KSR2: variants seen among roughly 807,000 people sequenced by gnomAD.
KSR2 encodes the protein kinase suppressor of ras 2.
In KSR2, 25 loss-of-function variants were observed where a neutral mutation model predicts 107.8. The observed-to-expected ratio is 0.23, with a 90% CI of 0.17 to 0.32. KSR2 has a LOEUF of 0.32. KSR2 is among the 10% of genes least tolerant of loss of function. The pLI is 1.00. For missense variants in KSR2, 887 were observed against 1,268.9 expected (o/e 0.70, Z 4.57); for synonymous variants, 480 against 507.0 (o/e 0.95, Z 0.71).
chr12:117,531,091 A>C, intron 11 of KSR2, 78 bp from the exon 12 acceptor site: 1 of 1,163,326 alleles, frequency 8.6e-7, no homozygotes, highest in Non-Finnish European at 1.3e-6. Flanking sequence ...CCTGGGCGAC[A>C]TGGCAGCCAA....
At chr12:117,956,871 C>T (rs1433437795) in intron 1 of KSR2, among the ~76,000 whole-genome samples, 3 of 152,156 alleles carry the variant, frequency 2.0e-5, no homozygotes, top group African/African-American at 7.2e-5. Flanking sequence ...GGTCAATGGC[C>T]ACATGTGGCA....
chr12:117,489,688 T>C (rs1872648781), intron 14 of KSR2, among the ~76,000 whole-genome samples: 1 of 151,822 alleles, frequency 6.6e-6, no homozygotes, highest in Non-Finnish European at 1.5e-5. Context: ...CAGTGAAGAG[T>C]ATTTGCAGAT....
chr12:117,680,118 T>C (rs1345368724), intron 4 of KSR2, among the ~76,000 whole-genome samples: 1 of 152,230 alleles, frequency 6.6e-6, no homozygotes, highest in East Asian at 1.9e-4. Context: ...TCCCTCAGCA[T>C]ACAGCTTCTC....
intron 4 of KSR2, among the ~76,000 whole-genome samples, chr12:117,703,547 G>A (rs998798884): frequency 1.3e-5 from 2 of 152,106 alleles, no homozygotes; most frequent in Non-Finnish European, 2.9e-5. Flanking sequence ...TAAACTTCAT[G>A]ACACTGATCT....
At chr12:117,841,785 T>A (rs577728049) in intron 3 of KSR2, among the ~76,000 whole-genome samples, 5 of 152,212 alleles carry the variant, frequency 3.3e-5, no homozygotes, top group East Asian at 1.9e-4. Flanking sequence ...ACCACCCCCC[T>A]CCCAGGCAAG....
chr12:117,602,376 G>A (rs772478950), intron 5 of KSR2, among the ~76,000 whole-genome samples: 13 of 152,272 alleles, frequency 8.5e-5, no homozygotes, highest in South Asian at 2.1e-4. Flanking sequence ...CCCACTAAGC[G>A]ATCATTCCTC....
chr12:117,855,984 CAG>C (rs1337560034), intron 2 of KSR2, among the ~76,000 whole-genome samples: 1 of 152,144 alleles, frequency 6.6e-6, no homozygotes, highest in Non-Finnish European at 1.5e-5. Context: ...AGCACAAACT[CAG>C]AGCAAGCACA....
At chr12:117,855,026 T>C (rs1036105294) in intron 3 of KSR2, among the ~76,000 whole-genome samples, 2 of 151,296 alleles carry the variant, frequency 1.3e-5, no homozygotes, top group East Asian at 1.9e-4. Context: ...TATTTTCTGG[T>C]TTATGTTACA....
chr12:117,660,811 G>A (rs1031098896), intron 5 of KSR2, among the ~76,000 whole-genome samples: 2 of 152,172 alleles, frequency 1.3e-5, no homozygotes, highest in Non-Finnish European at 2.9e-5. Flanking sequence ...AGTCCCTTAA[G>A]GCCAACTGCT....
chr12:117,648,241 A>T (rs1883738690), intron 5 of KSR2, among the ~76,000 whole-genome samples: 1 of 152,192 alleles, frequency 6.6e-6, no homozygotes, highest in African/African-American at 2.4e-5. Flanking sequence ...ATGTGATGAC[A>T]ATTTTTCCCT....
rs190098832 is a variant in KSR2, at chr12:117,679,111, C to T, written c.987-11453G>A. ...CTGCTCTGGCTCAGCTTCTCTGTAC[C>T]TTCACTCTCCTAGGACCCAGTGCCG... On this transcript the variant is annotated intron_variant, in intron 4 of 19. Coordinates refer to ENST00000339824, the MANE Select transcript of KSR2 (RefSeq NM_173598.6). 1.1e-3 allele frequency among the ~76,000 whole-genome samples: 166 copies of T among 152,248 alleles called. 2 individuals carry two copies. The highest frequency in any genetic ancestry group is 6.8e-3 in the Middle Eastern group (2 of 294).
chr12:117,629,105 T>C (rs1206948734), intron 5 of KSR2, among the ~76,000 whole-genome samples: 2 of 152,240 alleles, frequency 1.3e-5, no homozygotes, highest in African/African-American at 4.8e-5. Flanking sequence ...AGGTAGTCTG[T>C]CATGGCTTCC....
At chr12:117,798,211 G>C (rs533292726) in intron 3 of KSR2, among the ~76,000 whole-genome samples, 44 of 152,352 alleles carry the variant, frequency 2.9e-4, no homozygotes, top group African/African-American at 1.0e-3. Flanking sequence ...GAAGGGAAAA[G>C]TGGAGAAGAA....
In KSR2 at chr12:117,813,853, GC is replaced by G. The variant is rs550570909; in HGVS notation, c.472+41574del. ...GTTTATTGCAGCACTATTCACAATA[GC>G]CAAGATATGGATTGACCCAAGTGTC... On this transcript the variant is annotated intron_variant, in intron 3 of 19. Transcript: ENST00000339824. Among the ~76,000 whole-genome samples the G allele has an allele frequency of 5.0e-3, 757 of 152,316 alleles. 4 individuals are homozygous for G. Among genetic ancestry groups the G allele is most frequent in the Non-Finnish European group, 9.0e-3 (615 of 68,026 alleles).
At chr12:117,763,444 G>A (rs1368850927) in intron 3 of KSR2, among the ~76,000 whole-genome samples, 1 of 152,098 alleles carries the variant, frequency 6.6e-6, no homozygotes, top group African/African-American at 2.4e-5. Context: ...ACCACGTAAA[G>A]CCTTTCTGCA....
At chr12:117,661,881 G>A (rs1341672098) in intron 5 of KSR2, among the ~76,000 whole-genome samples, 3 of 152,212 alleles carry the variant, frequency 2.0e-5, no homozygotes. Context: ...CAGGATTGGG[G>A]AGGAATAGTG....
At chr12:117,664,241 A>ACCC (rs34174768) in intron 5 of KSR2, among the ~76,000 whole-genome samples, 27,990 of 152,052 alleles carry the variant, frequency 0.18, 2,734 homozygotes, top group Admixed American at 0.24. Context: ...GTGGCTGGGC[A>ACCC]CCCTGAGGTT....
intron 4 of KSR2, among the ~76,000 whole-genome samples, chr12:117,672,937 C>T (rs751761443): frequency 1.3e-5 from 2 of 152,200 alleles, no homozygotes; most frequent in Non-Finnish European, 2.9e-5. Context: ...TGATATCCAA[C>T]AAACTTTCAA....
chr12:117,940,724 A>G (rs1395419163), intron 1 of KSR2, among the ~76,000 whole-genome samples: 1 of 152,248 alleles, frequency 6.6e-6, no homozygotes, highest in African/African-American at 2.4e-5. Context: ...GCTGAATCCA[A>G]CCTACGGGTA....
Sources: gnomAD v4.1 joint callset for allele counts (sites outside exome capture counted in the v4.1 genomes callset) on GRCh38, gnomAD v4.1.1 for gene constraint, MANE v1.5 for transcripts, NCBI Gene and HGNC (gene_info 2026-07-23, HGNC 2026-07-21) for gene names.